The following SORT1 variants were observed in gnomAD, a reference collection of about 807,000 sequenced individuals.
SORT1 encodes sortilin 1.
In SORT1, 39 loss-of-function variants were observed where a neutral mutation model predicts 101.7. The ratio of observed to expected loss-of-function variants is 0.38; its 90% CI spans 0.30 to 0.50. SORT1 has a LOEUF of 0.50. SORT1 is among the 20% of genes least tolerant of loss of function. The pLI is 0.90. For synonymous variants in SORT1, 396 were observed against 393.7 expected (o/e 1.01, Z -0.07); for missense variants, 878 against 1,040.4 (o/e 0.84, Z 2.15).
intron 1 of SORT1, among the ~76,000 whole-genome samples, chr1:109,387,753 C>T (rs541178619): frequency 1.2e-3 from 179 of 152,226 alleles, no homozygotes; most frequent in African/African-American, 4.2e-3. Context: ...GAGTTTAAGA[C>T]CAGCCTGGCC....
intron 3 of SORT1, among the ~76,000 whole-genome samples, chr1:109,358,577 C>T (rs571242791): frequency 5.9e-5 from 9 of 152,212 alleles, no homozygotes; most frequent in East Asian, 3.9e-4. Flanking sequence ...TCTTTTTGGC[C>T]GGGCGTGGTG....
At chr1:109,325,806 C>G (rs1647968149) in intron 13 of SORT1, among the ~76,000 whole-genome samples, 1 of 152,000 alleles carries the variant, frequency 6.6e-6, no homozygotes, top group Admixed American at 6.5e-5. Flanking sequence ...AAAACCCCGT[C>G]TCTACCAAAA....
chr1:109,355,317 C>G lies in SORT1; in HGVS notation c.543+50G>C, dbSNP rs190182600. 7.2e-5 allele frequency: 65 copies of G among 897,410 alleles called. No homozygotes were observed. The East Asian group carries it at 1.3e-3, about 18-fold the overall frequency. 55.6% of individuals were successfully genotyped at this position (897,410 alleles called of 1,614,324 possible). ...ATGCCAATACTAATATCTGACAGCT[C>G]TGCATGTGGTATCAAGCACAAGCTT... On this transcript the variant is annotated intron_variant, in intron 4 of 19. Transcript: ENST00000256637.
chr1:109,326,506 CACACAT>C (rs1402401355), intron 13 of SORT1, among the ~76,000 whole-genome samples: 3 of 53,440 alleles, frequency 5.6e-5, no homozygotes, highest in South Asian at 6.6e-4. Flanking sequence ...CACATATATA[CACACAT>C]ACACATATAT....
Position 109,340,792 on chromosome 1 carries a change from C to T in SORT1, c.1196G>A (p.Gly399Asp). The change falls in exon 10 of 20, where the codon GGC becomes GAC. Residue 399 changes from glycine to aspartate, a missense_variant. Physicochemically the swap from Gly to Asp is moderately conservative, Grantham distance 94 (BLOSUM62 -1). Around this residue, in one of 2 missense-constraint regions of SORT1, gnomAD observed 684 missense variants for 894.5 expected, o/e 0.76. Coordinates refer to ENST00000256637, the MANE Select transcript of SORT1 (RefSeq NM_002959.7). The part of the protein sequence containing the change: ...SLDRHLYTTT[G>D]GETDFTNVTS... ...CACGTTGGTAAAGTCCGTCTCTCCG[C>T]CTGTGGTAGTGTAGAGATGTCGGTC... 1 of 1,614,106 alleles carries T rather than the reference C, an allele frequency of 6.2e-7. No individual in the cohort carries two copies. Among genetic ancestry groups the T allele is most frequent in the Non-Finnish European group, 8.5e-7 (1 of 1,180,020 alleles).
chr1:109,333,120 A>G (rs1156988595), intron 11 of SORT1, among the ~76,000 whole-genome samples: 1 of 151,894 alleles, frequency 6.6e-6, no homozygotes, highest in Non-Finnish European at 1.5e-5. Context: ...TAGAGACGGG[A>G]TTTCACCATG....
intron 3 of SORT1, among the ~76,000 whole-genome samples, chr1:109,357,970 G>GGTTGAAGCAGCCTGATTAGTC (rs1650444052): frequency 6.6e-6 from 1 of 152,204 alleles, no homozygotes; most frequent in African/African-American, 2.4e-5. Flanking sequence ...CTTCCAAAGG[G>GGTTGAAGCAGCCTGATTAGTC]GTTGAAGCAG....
At chr1:109,378,731 T>A (rs1370053128) in intron 1 of SORT1, among the ~76,000 whole-genome samples, 1 of 101,610 alleles carries the variant, frequency 9.8e-6, no homozygotes, top group Non-Finnish European at 2.0e-5. Flanking sequence ...TATATATATA[T>A]ATATATATAT....
intron 7 of SORT1, among the ~76,000 whole-genome samples, chr1:109,346,693 G>A (rs1446500986): frequency 2.0e-5 from 3 of 148,624 alleles, no homozygotes; most frequent in Non-Finnish European, 3.0e-5. Context: ...TGCAGTGAGC[G>A]GAGATGGCGC....
chr1:109,360,894 T>G (rs888845820), intron 3 of SORT1, among the ~76,000 whole-genome samples: 1 of 152,198 alleles, frequency 6.6e-6, no homozygotes, highest in Non-Finnish European at 1.5e-5. Flanking sequence ...AGATTACACA[T>G]ACGCAACTGA....
chr1:109,337,387 C>T (rs115678477), intron 10 of SORT1, among the ~76,000 whole-genome samples: 2,949 of 152,000 alleles, frequency 0.019, 49 homozygotes, highest in South Asian at 0.035. Flanking sequence ...GATGGGATTA[C>T]AGGCACCTGC....
chr1:109,371,342 T>C (rs559856157), intron 1 of SORT1, among the ~76,000 whole-genome samples: 8 of 152,302 alleles, frequency 5.3e-5, no homozygotes, highest in African/African-American at 1.4e-4. Flanking sequence ...TGAGTGAGGA[T>C]AGTGTCTGAA....
intron 15 of SORT1, 101 bp from the exon 16 acceptor site, chr1:109,318,070 A>C: frequency 1.4e-6 from 1 of 707,606 alleles, no homozygotes; most frequent in Non-Finnish European, 2.5e-6. Flanking sequence ...TTAACATTCC[A>C]GTCTTGGGTT....
intron 11 of SORT1, among the ~76,000 whole-genome samples, chr1:109,333,117 G>A (rs1004258533): frequency 2.0e-5 from 3 of 152,018 alleles, no homozygotes; most frequent in Non-Finnish European, 2.9e-5. Context: ...TGGTAGAGAC[G>A]GGATTTCACC....
intron 1 of SORT1, among the ~76,000 whole-genome samples, chr1:109,391,802 C>T (rs894160924): frequency 6.6e-6 from 1 of 152,162 alleles, no homozygotes; most frequent in African/African-American, 2.4e-5. Context: ...TCTTCAAGCC[C>T]CATTAATCCT....
At chr1:109,378,246 G>T (rs756177041) in intron 1 of SORT1, among the ~76,000 whole-genome samples, 1 of 151,834 alleles carries the variant, frequency 6.6e-6, no homozygotes, top group Non-Finnish European at 1.5e-5. Context: ...ATATTTAAAA[G>T]AATAATAATA....
chr1:109,340,716 A>AGAC lies in SORT1; in HGVS notation c.1264+5_1264+7dup. ...GGCACAGTACACCACTGCGATGCCGAGACTCACCTTCGGAGAGCACGCTTG... is the reference window on the plus strand; with the variant it reads ...GGCACAGTACACCACTGCGATGCCGAGACGACTCACCTTCGGAGAGCACGCTTG... On this transcript the variant is annotated splice_region_variant and intron_variant, in intron 10 of 19. Transcript: ENST00000256637. 6.2e-7 allele frequency: 1 copy of AGAC among 1,614,050 alleles called. No homozygotes were observed. Among genetic ancestry groups the AGAC allele is most frequent in the Non-Finnish European group, 8.5e-7 (1 of 1,179,966 alleles).
In SORT1 at chr1:109,345,810, T is replaced by C. The variant is rs141749679; in HGVS notation, c.904A>G (p.Lys302Glu). Reference protein sequence around the residue: ...LGKSFKTIGVKIYSFGLGGRF... With the variant: ...LGKSFKTIGVEIYSFGLGGRF... ...CCCCCAAGACCAAATGAGTAGATTT[T>C]CACACCAATAGTTTTGAAGCTTTTT... The change falls in exon 8 of 20, where the codon AAA (lysine) becomes GAA (glutamate). Residue 302 changes from lysine to glutamate, a missense_variant. By Grantham distance (56) the Lys-to-Glu change is moderately conservative. This residue lies in a region of SORT1 where 684 missense variants were observed against 894.5 expected (regional missense o/e 0.76). Coordinates refer to ENST00000256637, the MANE Select transcript of SORT1 (RefSeq NM_002959.7). 2.8e-3 allele frequency: 4,464 copies of C among 1,613,876 alleles called. 11 individuals are homozygous for C. The highest frequency in any genetic ancestry group is 3.0e-3 in the Non-Finnish European group (3,487 of 1,179,782).
chr1:109,397,075 C>A (rs183876480), intron 1 of SORT1: 19 of 152,316 alleles, frequency 1.2e-4, no homozygotes, highest in African/African-American at 4.6e-4. Flanking sequence ...TAAAAGAGAT[C>A]ACATAAATAT....
Sources: allele counts gnomAD v4.1 joint callset (sites outside exome capture counted in the v4.1 genomes callset), GRCh38; gene constraint gnomAD v4.1.1; regional missense constraint gnomAD v4.1.1; transcripts MANE v1.5; gene names NCBI Gene and HGNC (gene_info 2026-07-23, HGNC 2026-07-21).